The following ZCCHC14 variants were observed in gnomAD, a reference collection of about 807,000 sequenced individuals.
The protein encoded by ZCCHC14 is zinc finger CCHC domain-containing protein 14.
ZCCHC14 carries 16 observed loss-of-function variants against 85.0 expected under a neutral mutation model. The ratio of observed to expected loss-of-function variants is 0.19; its 90% confidence interval spans 0.13 to 0.29. ZCCHC14 has a LOEUF of 0.29. Among genes scored for constraint, ZCCHC14 ranks in the 10% least tolerant of loss-of-function variants. The pLI is 1.00. For missense variants in ZCCHC14, 1,303 were observed against 1,443.5 expected (o/e 0.90, Z 1.58); for synonymous variants, 775 against 630.7 (o/e 1.23, Z -3.43).
In ZCCHC14 at chr16:87,412,756, T is replaced by G. The variant is rs746521247; in HGVS notation, c.1965A>C (p.Arg655Ser). ...RMLNSVHKPERGSADMKLLSS... is the reference protein window; with the variant it reads ...RMLNSVHKPESGSADMKLLSS... ...AGAGGAGCTTCATGTCCGCGCTCCC[T>G]CTTTCCGGCTTGTGCACGGAATTCA... Residue 655 changes from arginine to serine, a missense_variant, in exon 12 of 13, where the codon AGA becomes AGC. Transcript: ENST00000671377. The G allele has an allele frequency of 5.6e-6, 9 of 1,614,054 alleles. No individual in the cohort carries two copies. The highest frequency in any genetic ancestry group is 7.6e-6 in the Non-Finnish European group (9 of 1,180,018).
intron 3 of ZCCHC14, among the ~76,000 whole-genome samples, chr16:87,432,286 G>A (rs932305249): frequency 6.6e-5 from 10 of 152,126 alleles, no homozygotes; most frequent in Non-Finnish European, 7.4e-5. Flanking sequence ...ACCATCAGCC[G>A]GGACACATTT....
intron 1 of ZCCHC14, chr16:87,467,485 T>G: frequency 6.2e-7 from 1 of 1,606,256 alleles, no homozygotes; most frequent in South Asian, 1.1e-5. Flanking sequence ...GGAGGACAGA[T>G]GTACCACTAT....
rs1371992442 is a variant in ZCCHC14 at position 87,491,679 on chromosome 16, G to A, written c.560C>T (p.Ala187Val). 1.4e-6 allele frequency: 2 copies of A among 1,418,512 alleles called. No homozygotes were observed. The highest frequency in any genetic ancestry group is 2.9e-5 in the East Asian group (1 of 34,180). 87.9% of individuals were successfully genotyped at this position (1,418,512 alleles called of 1,614,324 possible). Reference protein sequence around the residue: ...GPGGALPTCPACHKITPRTEA... With the variant: ...GPGGALPTCPVCHKITPRTEA... ...GGGGCGGGCACGCACCTTGTGGCAGGCTGGGCAAGTGGGCAGCGCGCCGCC... is the reference window on the plus strand; with the variant it reads ...GGGGCGGGCACGCACCTTGTGGCAGACTGGGCAAGTGGGCAGCGCGCCGCC... Residue 187 changes from alanine (A) to valine (V), a missense_variant, in exon 1 of 13, where the codon GCC becomes GTC. Around this residue, in one of 7 missense-constraint regions of ZCCHC14, gnomAD observed 389 missense variants for 397.8 expected, o/e 0.98. Coordinates refer to ENST00000671377, the MANE Select transcript of ZCCHC14 (RefSeq NM_015144.3). This position sits in a 1 kb window ranked among gnomAD's most constrained non-coding sequence, Gnocchi z 5.9.
chr16:87,468,676 C>G (rs972508992), intron 1 of ZCCHC14, among the ~76,000 whole-genome samples: 5 of 152,184 alleles, frequency 3.3e-5, no homozygotes, highest in Admixed American at 1.3e-4. Flanking sequence ...TGGTTCTCAA[C>G]TGGGGGAAAT....
intron 1 of ZCCHC14, chr16:87,467,427 A>G: frequency 6.2e-7 from 1 of 1,603,222 alleles, no homozygotes. Flanking sequence ...AGCAAATATG[A>G]TTGGTAATAA....
intron 1 of ZCCHC14, among the ~76,000 whole-genome samples, chr16:87,484,643 G>A (rs368771387): frequency 6.6e-6 from 1 of 152,180 alleles, no homozygotes; most frequent in Admixed American, 6.5e-5. Context: ...GGGTACCAGC[G>A]CCAGCCAGCG....
Position 87,420,594 on chromosome 16 carries a change from G to C in ZCCHC14, c.950+13C>G, listed in dbSNP as rs938932978. The stretch of plus-strand genomic sequence containing the variant: ...CAGCTGTGGACGCGCCGGGTGCCTG[G>C]TAAGGGCCTCACCTCAGGCCTGAGT... On this transcript the variant is annotated intron_variant, in intron 5 of 12. Transcript: ENST00000671377. This position sits in a 1 kb window ranked among gnomAD's most constrained non-coding sequence, Gnocchi z 5.0. 1 of 1,607,492 alleles carries C rather than the reference G, an allele frequency of 6.2e-7. No individual in the cohort carries two copies. Among genetic ancestry groups the C allele is most frequent in the African/African-American group, 1.3e-5 (1 of 74,944 alleles).
intron 1 of ZCCHC14, among the ~76,000 whole-genome samples, chr16:87,477,191 A>T (rs1351448196): frequency 6.6e-6 from 1 of 151,712 alleles, no homozygotes; most frequent in Non-Finnish European, 1.5e-5. Flanking sequence ...CAGATGACAC[A>T]CTTAAAATAT....
intron 4 of ZCCHC14, among the ~76,000 whole-genome samples, chr16:87,422,982 G>A (rs1174209727): frequency 1.3e-5 from 2 of 152,182 alleles, no homozygotes; most frequent in Admixed American, 6.5e-5. Context: ...AAAGATAAGT[G>A]TAATCAGACA....
At chr16:87,416,796 GTA>G (rs1908809268) in intron 8 of ZCCHC14, among the ~76,000 whole-genome samples, 1 of 152,022 alleles carries the variant, frequency 6.6e-6, no homozygotes, top group African/African-American at 2.4e-5. Context: ...TAAACAAAGG[GTA>G]TTACAAATAT....
intron 1 of ZCCHC14, among the ~76,000 whole-genome samples, chr16:87,475,816 T>G (rs1233641521): frequency 6.6e-6 from 1 of 151,898 alleles, no homozygotes; most frequent in African/African-American, 2.4e-5. Context: ...GAGAGAGAGA[T>G]TGAGGCAGAA....
chr16:87,441,064 C>T (rs1270675054), intron 2 of ZCCHC14, among the ~76,000 whole-genome samples: 2 of 150,438 alleles, frequency 1.3e-5, no homozygotes, highest in Non-Finnish European at 2.9e-5. Context: ...AGTGCAGCGG[C>T]GCCATCTCGG....
intron 1 of ZCCHC14, among the ~76,000 whole-genome samples, chr16:87,464,898 T>C (rs1490395275): frequency 6.6e-6 from 1 of 152,224 alleles, no homozygotes; most frequent in Non-Finnish European, 1.5e-5. Flanking sequence ...TCTGGCCTGA[T>C]GTGCACGAGA....
rs141009356 is a variant in ZCCHC14 at position 87,470,208 on chromosome 16, T to C, written c.571-10077A>G. ...TTACCCGAGTGTGGTGGTGTGTGCCTGTACCTAGCTGCTCAGGAGGCTGAG... is the reference window on the plus strand; with the variant it reads ...TTACCCGAGTGTGGTGGTGTGTGCCCGTACCTAGCTGCTCAGGAGGCTGAG... On this transcript the variant is annotated intron_variant, in intron 1 of 12. Transcript: ENST00000671377. 5.3e-5 allele frequency among the ~76,000 whole-genome samples: 8 copies of C among 152,150 alleles called. No homozygotes were observed. In the East Asian group the frequency reaches 1.5e-3, roughly 29 times the overall value.
chr16:87,417,381 T>A, intron 8 of ZCCHC14, 79 bp downstream of exon 8: 1 of 1,554,006 alleles, frequency 6.4e-7, no homozygotes, highest in Non-Finnish European at 8.7e-7. Context: ...TTGTGTTGGT[T>A]TGGAAACTCA....
At chr16:87,425,867 C>T (rs763089327) in intron 3 of ZCCHC14, among the ~76,000 whole-genome samples, 3 of 152,194 alleles carry the variant, frequency 2.0e-5, no homozygotes, top group African/African-American at 7.2e-5. Flanking sequence ...TTTCCTACTG[C>T]GCCCTAACCC....
chr16:87,461,574 C>G (rs552872499), intron 1 of ZCCHC14, among the ~76,000 whole-genome samples: 8 of 152,168 alleles, frequency 5.3e-5, no homozygotes, highest in African/African-American at 1.9e-4. Context: ...CATACCTGGA[C>G]GGTAGGTGGC....
chr16:87,449,607 T>C (rs1269961096), intron 2 of ZCCHC14, among the ~76,000 whole-genome samples: 1 of 152,192 alleles, frequency 6.6e-6, no homozygotes, highest in Non-Finnish European at 1.5e-5. Flanking sequence ...ATGTCTTTCT[T>C]TAATTTGCTT....
At chr16:87,461,783 AC>A in intron 1 of ZCCHC14, among the ~76,000 whole-genome samples, 1 of 152,336 alleles carries the variant, frequency 6.6e-6, no homozygotes, top group Admixed American at 6.5e-5. Context: ...ACAGCAAGCC[AC>A]AGGGGCCACA....
Sources: gnomAD v4.1 joint callset for allele counts (sites outside exome capture counted in the v4.1 genomes callset) on GRCh38, gnomAD v4.1.1 for gene constraint, gnomAD v4.1.1 regional missense constraint, Gnocchi (gnomAD v3.1) non-coding constraint, MANE v1.5 for transcripts, NCBI Gene and HGNC (gene_info 2026-07-23, HGNC 2026-07-21) for gene names.